The following ERAP1 variants were observed in gnomAD, a reference collection of about 807,000 sequenced individuals.
The protein encoded by ERAP1 is endoplasmic reticulum aminopeptidase 1, also known as adipocyte-derived leucine aminopeptidase.
In ERAP1, 86 loss-of-function variants were observed where a neutral mutation model predicts 103.7. That is an observed-to-expected ratio of 0.83 (90% CI 0.70 to 0.99). ERAP1 has a LOEUF of 0.99. ERAP1 is among the 50% of genes least tolerant of loss of function. ERAP1 has a pLI of 0.00. For missense variants in ERAP1, 1,009 were observed against 1,128.4 expected, an observed-to-expected ratio of 0.89 and a Z score of 1.52; for synonymous variants, 398 against 402.4, an observed-to-expected ratio of 0.99 and a Z score of 0.13.
chr5:96,868,764 T>G, the ERAP1 span, among the ~76,000 whole-genome samples: 2 of 152,166 alleles, frequency 1.3e-5, no homozygotes, highest in African/African-American at 2.4e-5. Context: ...AAATGTTCAG[T>G]ATGCTGCTGA....
At chr5:96,902,326 C>T in the ERAP1 span, 1 of 1,611,210 alleles carries the variant, frequency 6.2e-7, no homozygotes, top group Non-Finnish European at 8.5e-7. Flanking sequence ...TAATGTGATC[C>T]ACAGACACAT....
the ERAP1 span, chr5:96,935,337 C>G: frequency 6.6e-6 from 1 of 152,326 alleles, no homozygotes; most frequent in Non-Finnish European, 1.5e-5. Context: ...GCCCTCGGCC[C>G]TGCGAGGTCC....
At chr5:96,917,795 A>G in the ERAP1 span, 7 of 321,468 alleles carry the variant, frequency 2.2e-5, no homozygotes, top group Non-Finnish European at 4.0e-5. Flanking sequence ...AGTCCCAGCT[A>G]CTCGGCAGGC....
At chr5:96,801,179 T>C (rs1777950285) in intron 2 of ERAP1, among the ~76,000 whole-genome samples, 179 bp from the exon 3 acceptor site, 1 of 152,172 alleles carries the variant, frequency 6.6e-6, no homozygotes. Flanking sequence ...CTGGGCATGG[T>C]CATGGTGTCT....
the ERAP1 span, among the ~76,000 whole-genome samples, chr5:96,853,135 A>T: frequency 6.6e-6 from 1 of 152,170 alleles, no homozygotes; most frequent in Non-Finnish European, 1.5e-5. Flanking sequence ...ACAAATGCAG[A>T]ATTAGGCACA....
chr5:96,817,091 A>T, the ERAP1 span, among the ~76,000 whole-genome samples: 1 of 152,214 alleles, frequency 6.6e-6, no homozygotes, highest in East Asian at 1.9e-4. Flanking sequence ...ATCAACTAGG[A>T]CACTTTTGAA....
chr5:96,809,721 A>G (rs28050), upstream of ERAP1, among the ~76,000 whole-genome samples: 34,438 of 152,054 alleles, frequency 0.23, 4,007 homozygotes, highest in East Asian at 0.28. Flanking sequence ...AGGAGGTATC[A>G]ATGGATAGCG....
chr5:96,782,431 C>A (rs1775349071), intron 15 of ERAP1, among the ~76,000 whole-genome samples: 2 of 152,180 alleles, frequency 1.3e-5, no homozygotes, highest in Admixed American at 1.3e-4. Context: ...TTTAATGATG[C>A]TGGGTGACTC....
the ERAP1 span, among the ~76,000 whole-genome samples, chr5:96,852,045 C>A: frequency 6.6e-6 from 1 of 152,260 alleles, no homozygotes; most frequent in East Asian, 1.9e-4. Context: ...AGCCCCCAAC[C>A]CCAAAAAGCG....
the ERAP1 span, among the ~76,000 whole-genome samples, chr5:96,916,375 G>A: frequency 0.38 from 56,892 of 151,088 alleles, 10,861 homozygotes; most frequent in Non-Finnish European, 0.42. Flanking sequence ...ATTGTATTAC[G>A]ATGCAAGAGT....
chr5:96,881,577 G>A, the ERAP1 span: 1 of 439,922 alleles, frequency 2.3e-6, no homozygotes, highest in Non-Finnish European at 4.6e-6. Context: ...CCACACAGGG[G>A]CATATTTTTC....
At chr5:96,778,656 G>A (rs904629798) in intron 18 of ERAP1, among the ~76,000 whole-genome samples, 12 of 152,226 alleles carry the variant, frequency 7.9e-5, no homozygotes, top group Non-Finnish European at 1.5e-4. Flanking sequence ...AGGGTTTCAA[G>A]AAGCCAGGGT....
At chr5:96,924,967 T>C in the ERAP1 span, among the ~76,000 whole-genome samples, 1 of 152,198 alleles carries the variant, frequency 6.6e-6, no homozygotes, top group Non-Finnish European at 1.5e-5. Flanking sequence ...TTGCTTTTTA[T>C]GGCTATATAG....
At chr5:96,798,340 AAAAG>A (rs1777590162) in intron 3 of ERAP1, among the ~76,000 whole-genome samples, 1 of 151,706 alleles carries the variant, frequency 6.6e-6, no homozygotes, top group Non-Finnish European at 1.5e-5. Context: ...AAAAAAAAAA[AAAAG>A]ATTTGCTTCA....
At chr5:96,812,336 C>T (rs148968123), upstream of ERAP1, among the ~76,000 whole-genome samples, 143 of 152,286 alleles carry the variant, frequency 9.4e-4, no homozygotes, top group African/African-American at 3.3e-3. Flanking sequence ...CAGATCTATA[C>T]CCGTTATGGT....
At chr5:96,918,307 T>C in the ERAP1 span, 1 of 152,308 alleles carries the variant, frequency 6.6e-6, no homozygotes, top group African/African-American at 2.4e-5. Flanking sequence ...CCTTGCTTAG[T>C]ATTCTATAGT....
At chr5:96,929,374 C>A in the ERAP1 span, among the ~76,000 whole-genome samples, 2 of 152,194 alleles carry the variant, frequency 1.3e-5, no homozygotes, top group African/African-American at 4.8e-5. Flanking sequence ...AACTAATACA[C>A]ATGCCCAAAA....
At position 96,765,327 on chromosome 5, in the gene ERAP1, T is replaced by TA. The variant is rs59338324; in HGVS notation, c.2819-2100dup. On this transcript the variant is annotated intron_variant, in intron 19 of 19. Coordinates refer to the ERAP1 transcript ENST00000296754. Reference sequence around the variant, plus strand: ...AAACCAATGGAAGATAAAGTAAAGGTAAAAAAAAAAAAAAAAAAAAAAAAA... The same window carrying TA: ...AAACCAATGGAAGATAAAGTAAAGGTAAAAAAAAAAAAAAAAAAAAAAAAAA... 1.7e-3 allele frequency: 866 copies of TA among 511,928 alleles called. 6 individuals are homozygous for TA. Among genetic ancestry groups the TA allele is most frequent in the African/African-American group, 8.4e-3 (292 of 34,632 alleles). 31.7% of individuals were successfully genotyped at this position (511,928 alleles called of 1,614,324 possible).
At chr5:96,909,187 G>A in the ERAP1 span, 1 of 1,506,090 alleles carries the variant, frequency 6.6e-7, no homozygotes, top group Non-Finnish European at 9.2e-7. Flanking sequence ...GGCTCAGTTT[G>A]TTTTGTGTGA....
Sources: allele counts gnomAD v4.1 joint callset (sites outside exome capture counted in the v4.1 genomes callset), GRCh38; gene constraint gnomAD v4.1.1; transcripts MANE v1.5; gene names NCBI Gene and HGNC (gene_info 2026-07-23, HGNC 2026-07-21).